The following CFAP299 variants were observed in gnomAD, a reference collection of about 807,000 sequenced individuals.
CFAP299 encodes the protein cilia- and flagella-associated protein 299.
In CFAP299, 21 loss-of-function variants were observed where a neutral mutation model predicts 27.0. That is an observed-to-expected ratio of 0.78 (90% CI 0.55 to 1.12). CFAP299 has a LOEUF of 1.12. Ranked by LOEUF, CFAP299 falls within the 50% of genes most tolerant of loss-of-function variation. The probability of loss-of-function intolerance (pLI) is 0.00; values close to 1 mark genes in which losing one functional copy is unlikely to be tolerated. For missense variants in CFAP299, 310 were observed against 276.6 expected, an observed-to-expected ratio of 1.12 and a Z score of -0.86; for synonymous variants, 104 against 98.1, an observed-to-expected ratio of 1.06 and a Z score of -0.36.
At chr4:80,751,809 T>G (rs1056067949) in intron 3 of CFAP299, among the ~76,000 whole-genome samples, 1 of 152,188 alleles carries the variant, frequency 6.6e-6, no homozygotes, top group African/African-American at 2.4e-5. Flanking sequence ...TGGCTGGAAT[T>G]CTGAGCCAGT....
intron 3 of CFAP299, among the ~76,000 whole-genome samples, chr4:80,655,080 A>G (rs904855045): frequency 2.6e-5 from 4 of 152,170 alleles, no homozygotes; most frequent in African/African-American, 9.6e-5. Flanking sequence ...CAGTTAATTA[A>G]TAATACTTAA....
At chr4:80,454,994 G>A (rs1270694131) in intron 2 of CFAP299, among the ~76,000 whole-genome samples, 1 of 152,070 alleles carries the variant, frequency 6.6e-6, no homozygotes, top group African/African-American at 2.4e-5. Context: ...TATTGATCTG[G>A]GTGACACTAG....
chr4:80,882,730 A>AT (rs1289201744), intron 4 of CFAP299, among the ~76,000 whole-genome samples: 1 of 152,178 alleles, frequency 6.6e-6, no homozygotes, highest in African/African-American at 2.4e-5. Context: ...ACCTCTCAGC[A>AT]GAAACTTTGT....
rs140758973 is a variant in CFAP299 at position 80,678,390 on chromosome 4, A to G, written c.333+95207A>G. On this transcript the variant is annotated intron_variant, in intron 3 of 5. Coordinates refer to ENST00000358105, the MANE Select transcript of CFAP299 (RefSeq NM_152770.3). ...TTTTTCCATCACAAACTAGCTTCCT[A>G]GTTACCTAATAAAGTAAGAATTTAC... Among the ~76,000 whole-genome samples the G allele has an allele frequency of 6.7e-3, 1,027 of 152,160 alleles. 13 individuals are homozygous for G. The highest frequency in any genetic ancestry group is 0.024 in the African/African-American group (977 of 41,556).
intron 3 of CFAP299, among the ~76,000 whole-genome samples, chr4:80,596,269 TCTTTG>T (rs887467891): frequency 5.3e-5 from 8 of 152,264 alleles, no homozygotes; most frequent in Non-Finnish European, 1.0e-4. Context: ...GGCTATGCAG[TCTTTG>T]CTTAAATAGT....
At chr4:80,835,255 A>T (rs1449317994) in intron 3 of CFAP299, among the ~76,000 whole-genome samples, 1 of 151,942 alleles carries the variant, frequency 6.6e-6, no homozygotes, top group Non-Finnish European at 1.5e-5. Flanking sequence ...GCCCGTCACC[A>T]CGCCTGGCTA....
chr4:80,393,140 AG>A (rs1429660364), intron 2 of CFAP299, among the ~76,000 whole-genome samples: 3 of 152,228 alleles, frequency 2.0e-5, no homozygotes, highest in African/African-American at 7.2e-5. Context: ...AAGTTTTAAA[AG>A]CAAAAAATAA....
At chr4:80,893,247 G>T (rs1042018372) in intron 4 of CFAP299, among the ~76,000 whole-genome samples, 3 of 151,214 alleles carry the variant, frequency 2.0e-5, no homozygotes, top group Non-Finnish European at 4.4e-5. Context: ...ACAAGCAGAT[G>T]AAGGCATCCC....
intron 4 of CFAP299, among the ~76,000 whole-genome samples, chr4:80,943,451 G>T (rs1270701313): frequency 6.6e-6 from 1 of 152,164 alleles, no homozygotes; most frequent in Admixed American, 6.5e-5. Context: ...AAAAAAGAAA[G>T]GGAGTAATAG....
intron 3 of CFAP299, among the ~76,000 whole-genome samples, chr4:80,805,647 T>G (rs137900604): frequency 4.9e-4 from 74 of 152,104 alleles, no homozygotes; most frequent in African/African-American, 1.6e-3. Flanking sequence ...AGTTCAAGAC[T>G]AGCGTGGGCA....
intron 3 of CFAP299, among the ~76,000 whole-genome samples, chr4:80,822,010 C>A (rs1010942017): frequency 6.6e-6 from 1 of 152,108 alleles, no homozygotes; most frequent in Non-Finnish European, 1.5e-5. Flanking sequence ...ACGATGGTAG[C>A]AATGTGTGAA....
chr4:80,444,445 A>G (rs1728514539), intron 2 of CFAP299, among the ~76,000 whole-genome samples: 1 of 152,234 alleles, frequency 6.6e-6, no homozygotes, highest in African/African-American at 2.4e-5. Context: ...TCCCTATTTA[A>G]TAAATCATGT....
Position 80,713,609 on chromosome 4 carries a change from G to A in CFAP299, c.333+130426G>A, listed in dbSNP as rs192554223. Among the ~76,000 whole-genome samples, 10 of 152,270 alleles carry A rather than the reference G, an allele frequency of 6.6e-5. No homozygotes were observed. The East Asian group carries it at 9.7e-4, about 15-fold the overall frequency. On this transcript the variant is annotated intron_variant, in intron 3 of 5. Transcript: ENST00000358105. The stretch of plus-strand genomic sequence containing the variant: ...ATTCTGCCAAGCACTTTACATGCTC[G>A]AGTGCAACCCTTACTACAACATTGT...
intron 3 of CFAP299, among the ~76,000 whole-genome samples, chr4:80,868,745 T>C (rs1030487238): frequency 1.3e-5 from 2 of 152,006 alleles, no homozygotes; most frequent in Non-Finnish European, 2.9e-5. Context: ...TTATTCAGAA[T>C]TTTTATTTGT....
At chr4:80,905,823 G>T (rs1735154749) in intron 4 of CFAP299, among the ~76,000 whole-genome samples, 1 of 152,144 alleles carries the variant, frequency 6.6e-6, no homozygotes, top group Non-Finnish European at 1.5e-5. Flanking sequence ...CTCCCACTGA[G>T]CTCCTCCCAT....
At chr4:80,493,552 G>A (rs900664772) in intron 2 of CFAP299, among the ~76,000 whole-genome samples, 3 of 152,176 alleles carry the variant, frequency 2.0e-5, no homozygotes, top group African/African-American at 7.2e-5. Flanking sequence ...AAAGAGTCAG[G>A]GTGGAGTAGG....
At chr4:80,607,685 G>A (rs538946342) in intron 3 of CFAP299, among the ~76,000 whole-genome samples, 1 of 152,274 alleles carries the variant, frequency 6.6e-6, no homozygotes, top group Non-Finnish European at 1.5e-5. Context: ...CAAAGAAGTC[G>A]ACAGTGATCG....
chr4:80,346,299 T>A lies in CFAP299; in HGVS notation c.111+10420T>A, dbSNP rs143897098. On this transcript the variant is annotated intron_variant, in intron 1 of 5. Coordinates refer to ENST00000358105, the MANE Select transcript of CFAP299 (RefSeq NM_152770.3). The stretch of plus-strand genomic sequence containing the variant: ...TTTAATGAGATCCCATTTGTCTATT[T>A]TGGCTTTTGTTGCCATTGCTTTTGG... Among the ~76,000 whole-genome samples, 1,323 of 152,348 alleles carry A rather than the reference T, an allele frequency of 8.7e-3. 23 individuals carry two copies. The highest frequency in any genetic ancestry group is 0.029 in the African/African-American group (1,218 of 41,582).
At chr4:80,636,252 C>T (rs763868035) in intron 3 of CFAP299, among the ~76,000 whole-genome samples, 3 of 152,106 alleles carry the variant, frequency 2.0e-5, no homozygotes, top group Non-Finnish European at 4.4e-5. Flanking sequence ...TGGCCTTAAA[C>T]TTCATGTGAC....
Sources: allele counts gnomAD v4.1 joint callset (sites outside exome capture counted in the v4.1 genomes callset), GRCh38; gene constraint gnomAD v4.1.1; transcripts MANE v1.5; gene names NCBI Gene and HGNC (gene_info 2026-07-23, HGNC 2026-07-21).